PRKCA: variants seen among roughly 807,000 people sequenced by gnomAD.
PRKCA encodes protein kinase C alpha, also known as protein kinase C alpha type.
Under a neutral mutation model 87.0 loss-of-function variants are expected in PRKCA, and 27 were observed. That is an observed-to-expected ratio of 0.31 (90% CI 0.23 to 0.43). The LOEUF (loss-of-function observed/expected upper bound fraction) is 0.43, where lower values mean the gene tolerates loss of function less well. Ranked by LOEUF, PRKCA falls within the 20% of genes least tolerant of loss-of-function variation. The pLI is 1.00. For missense variants in PRKCA, 518 were observed against 852.3 expected (o/e 0.61, Z 4.88); for synonymous variants, 329 against 311.1 (o/e 1.06, Z -0.61).
intron 3 of PRKCA, among the ~76,000 whole-genome samples, chr17:66,531,029 T>A (rs373546894): frequency 6.6e-5 from 10 of 152,336 alleles, no homozygotes; most frequent in African/African-American, 2.4e-4. Context: ...GACAACACTT[T>A]TAGTTGCTCT....
chr17:66,416,803 G>C, intron 2 of PRKCA: 1 of 152,226 alleles, frequency 6.6e-6, no homozygotes, highest in East Asian at 1.9e-4. Context: ...TGCACACCCC[G>C]GGTGCCAGAA....
chr17:66,628,230 C>T (rs1241923094), intron 3 of PRKCA, among the ~76,000 whole-genome samples: 1 of 152,018 alleles, frequency 6.6e-6, no homozygotes, highest in Non-Finnish European at 1.5e-5. Context: ...CTCAAGATTT[C>T]CACTTCTGGC....
chr17:66,525,418 T>C (rs1430499771), intron 3 of PRKCA, among the ~76,000 whole-genome samples: 1 of 152,210 alleles, frequency 6.6e-6, no homozygotes, highest in African/African-American at 2.4e-5. Flanking sequence ...AAGGTTGGCA[T>C]TGGAAAATGC....
chr17:66,705,039 A>G (rs1002827647), intron 8 of PRKCA, among the ~76,000 whole-genome samples: 3 of 152,206 alleles, frequency 2.0e-5, no homozygotes, highest in African/African-American at 4.8e-5. Context: ...CACGGTTACT[A>G]TGGAAACCAG....
chr17:66,740,173 C>T (rs1974126248), intron 11 of PRKCA, among the ~76,000 whole-genome samples: 1 of 151,802 alleles, frequency 6.6e-6, no homozygotes, highest in South Asian at 2.1e-4. Flanking sequence ...TTCATGAGCT[C>T]AGTTAAGAAC....
intron 3 of PRKCA, among the ~76,000 whole-genome samples, chr17:66,517,143 G>A (rs923055780): frequency 2.0e-5 from 3 of 152,096 alleles, no homozygotes; most frequent in Admixed American, 6.5e-5. Flanking sequence ...AATTAGCTGG[G>A]CGTGGTGGTG....
chr17:66,366,583 T>C, intron 2 of PRKCA, among the ~76,000 whole-genome samples: 2 of 152,154 alleles, frequency 1.3e-5, no homozygotes, highest in South Asian at 4.2e-4. Context: ...TTGTCAAAGT[T>C]AAATAATAGC....
intron 5 of PRKCA, among the ~76,000 whole-genome samples, chr17:66,648,750 C>T (rs943973796): frequency 6.6e-6 from 1 of 152,040 alleles, no homozygotes; most frequent in Non-Finnish European, 1.5e-5. Flanking sequence ...CAGCAACCCC[C>T]GATGTTAATG....
chr17:66,615,077 A>G (rs566484844), intron 3 of PRKCA, among the ~76,000 whole-genome samples: 5 of 152,300 alleles, frequency 3.3e-5, no homozygotes, highest in Admixed American at 3.3e-4. Flanking sequence ...CTCTGACCCC[A>G]AATGGCTGTG....
chr17:66,681,468 G>T (rs1195953065), intron 5 of PRKCA, among the ~76,000 whole-genome samples: 1 of 152,102 alleles, frequency 6.6e-6, no homozygotes, highest in Non-Finnish European at 1.5e-5. Context: ...GGTGGTGACG[G>T]CGAAGATGAT....
chr17:66,739,133 C>T (rs777507355), intron 11 of PRKCA, among the ~76,000 whole-genome samples: 1 of 152,146 alleles, frequency 6.6e-6, no homozygotes, highest in Non-Finnish European at 1.5e-5. Flanking sequence ...CTGCCCACCT[C>T]GGCCTCCCAA....
At chr17:66,320,264 A>C (rs1210533051) in intron 2 of PRKCA, among the ~76,000 whole-genome samples, 1 of 152,130 alleles carries the variant, frequency 6.6e-6, no homozygotes, top group Non-Finnish European at 1.5e-5. Flanking sequence ...TTAAGTCTCC[A>C]GCCCCTACCT....
chr17:66,348,229 A>G (rs112505350), intron 2 of PRKCA, among the ~76,000 whole-genome samples: 3,792 of 152,204 alleles, frequency 0.025, 88 homozygotes, highest in African/African-American at 0.062. Context: ...GGTGTGAGCC[A>G]CCATGCCTGG....
At chr17:66,476,318 C>T (rs1281166277) in intron 2 of PRKCA, among the ~76,000 whole-genome samples, 1 of 152,164 alleles carries the variant, frequency 6.6e-6, no homozygotes, top group Non-Finnish European at 1.5e-5. Flanking sequence ...GATGGCGGGC[C>T]CAAGCTCTGC....
At chr17:66,363,327 T>G (rs913135014) in intron 2 of PRKCA, among the ~76,000 whole-genome samples, 1 of 152,226 alleles carries the variant, frequency 6.6e-6, no homozygotes, top group Admixed American at 6.5e-5. Flanking sequence ...TCTTCTCCCA[T>G]TACAGTTGCA....
chr17:66,627,602 C>T (rs527336063), intron 3 of PRKCA, among the ~76,000 whole-genome samples: 10 of 152,250 alleles, frequency 6.6e-5, no homozygotes, highest in African/African-American at 1.4e-4. Flanking sequence ...GTGCTTTTCA[C>T]GAGTGAAGAC....
At chr17:66,435,345 A>T (rs1216775608) in intron 2 of PRKCA, among the ~76,000 whole-genome samples, 1 of 152,202 alleles carries the variant, frequency 6.6e-6, no homozygotes, top group East Asian at 1.9e-4. Context: ...CTTCTTTGTA[A>T]GTGCAGCTTA....
At chr17:66,316,730 G>A (rs917119677) in intron 2 of PRKCA, among the ~76,000 whole-genome samples, 4 of 152,008 alleles carry the variant, frequency 2.6e-5, no homozygotes, top group Non-Finnish European at 5.9e-5. Flanking sequence ...ATTATATATA[G>A]CATCATGTTG....
At chr17:66,789,474 T>C (rs148525891) in intron 16 of PRKCA, among the ~76,000 whole-genome samples, 359 of 152,344 alleles carry the variant, frequency 2.4e-3, no homozygotes, top group African/African-American at 7.5e-3. Context: ...CTGCCTCCAC[T>C]GCGGGGAGTG....
Sources: gnomAD v4.1 joint callset for allele counts (sites outside exome capture counted in the v4.1 genomes callset) on GRCh38, gnomAD v4.1.1 for gene constraint, MANE v1.5 for transcripts, NCBI Gene and HGNC (gene_info 2026-07-23, HGNC 2026-07-21) for gene names.